CCDC171: variants seen among roughly 807,000 people sequenced by gnomAD.
CCDC171 encodes coiled-coil domain-containing protein 171.
In CCDC171, 177 loss-of-function variants were observed where a neutral mutation model predicts 168.2. The ratio of observed to expected loss-of-function variants is 1.05; its 90% CI spans 0.93 to 1.19. The LOEUF is 1.19. Among genes scored for constraint, CCDC171 ranks in the 50% most tolerant of loss-of-function variants. CCDC171 has a pLI of 0.00. For missense variants in CCDC171, 1,991 were observed against 1,539.0 expected, an observed-to-expected ratio of 1.29 and a Z score of -4.91; for synonymous variants, 687 against 540.8, an observed-to-expected ratio of 1.27 and a Z score of -3.75.
At chr9:15,791,532 C>G (rs543153299) in intron 21 of CCDC171, among the ~76,000 whole-genome samples, 18 of 152,310 alleles carry the variant, frequency 1.2e-4, no homozygotes, top group African/African-American at 4.3e-4. Context: ...ACAATCATGT[C>G]ATCTGCAAAC....
chr9:15,911,607 A>G (rs1210309864), intron 24 of CCDC171, among the ~76,000 whole-genome samples: 1 of 152,128 alleles, frequency 6.6e-6, no homozygotes. Context: ...TGTTTTAGTC[A>G]TGAAGTCTTT....
At chr9:16,033,113 T>A (rs956297796) in intron 6 of CCDC171, among the ~76,000 whole-genome samples, 3 of 152,072 alleles carry the variant, frequency 2.0e-5, no homozygotes, top group Non-Finnish European at 4.4e-5. Flanking sequence ...AACACCAGTG[T>A]CCACTGTACA....
chr9:15,770,679 A>G (rs896793743), intron 18 of CCDC171, among the ~76,000 whole-genome samples: 2 of 152,190 alleles, frequency 1.3e-5, no homozygotes, highest in Non-Finnish European at 2.9e-5. Context: ...CAATTCCCTT[A>G]TACATATGAG....
the CCDC171 span, among the ~76,000 whole-genome samples, chr9:16,094,042 G>A: frequency 6.6e-6 from 1 of 152,188 alleles, no homozygotes; most frequent in African/African-American, 2.4e-5. Context: ...TAGTGGCTAA[G>A]AGCATGGACT....
At chr9:16,018,609 C>T (rs887762969) in intron 3 of CCDC171, among the ~76,000 whole-genome samples, 45 of 152,200 alleles carry the variant, frequency 3.0e-4, no homozygotes, top group Non-Finnish European at 5.0e-4. Flanking sequence ...CCCTCACTCA[C>T]CTACTAGGGC....
intron 6 of CCDC171, among the ~76,000 whole-genome samples, chr9:15,598,304 C>T (rs1286274167): frequency 6.6e-6 from 1 of 151,914 alleles, no homozygotes; most frequent in Non-Finnish European, 1.5e-5. Context: ...AAATTTCCCT[C>T]TATACACTGG....
At chr9:16,102,721 T>C in the CCDC171 span, among the ~76,000 whole-genome samples, 1 of 152,288 alleles carries the variant, frequency 6.6e-6, no homozygotes, top group East Asian at 1.9e-4. Context: ...AAATTCACTT[T>C]CCAACAGCTC....
At chr9:15,910,340 A>G (rs748306756) in intron 24 of CCDC171, among the ~76,000 whole-genome samples, 1 of 152,110 alleles carries the variant, frequency 6.6e-6, no homozygotes, top group African/African-American at 2.4e-5. Context: ...TCCCCAGTGT[A>G]TATTTTTATT....
At chr9:15,811,018 G>A (rs1318660338) in intron 21 of CCDC171, among the ~76,000 whole-genome samples, 1 of 152,246 alleles carries the variant, frequency 6.6e-6, no homozygotes, top group Non-Finnish European at 1.5e-5. Flanking sequence ...CATATCAGCA[G>A]CATAAATATA....
At chr9:15,708,963 T>C (rs2052451405) in intron 11 of CCDC171, among the ~76,000 whole-genome samples, 1 of 152,108 alleles carries the variant, frequency 6.6e-6, no homozygotes, top group Non-Finnish European at 1.5e-5. Flanking sequence ...GTTTTACTCT[T>C]TTTTTTCATT....
intron 3 of CCDC171, among the ~76,000 whole-genome samples, chr9:16,013,794 G>A (rs184965900): frequency 4.7e-4 from 71 of 152,292 alleles, no homozygotes; most frequent in Non-Finnish European, 9.7e-4. Context: ...ACACTATATT[G>A]TAGTCTGTTA....
intron 21 of CCDC171, among the ~76,000 whole-genome samples, chr9:15,788,578 A>G (rs1045250193): frequency 3.3e-5 from 5 of 151,336 alleles, no homozygotes; most frequent in Non-Finnish European, 7.4e-5. Context: ...GTTTTAAATC[A>G]TATGTTTTTG....
chr9:15,879,298 T>G (rs2131309910), intron 24 of CCDC171, among the ~76,000 whole-genome samples: 1 of 152,246 alleles, frequency 6.6e-6, no homozygotes, highest in Middle Eastern at 3.4e-3. Flanking sequence ...TTTTTTCACT[T>G]TTTTTCCTTT....
chr9:15,610,396 C>G (rs571865628), intron 6 of CCDC171, among the ~76,000 whole-genome samples: 1 of 124,682 alleles, frequency 8.0e-6, no homozygotes, highest in Non-Finnish European at 1.6e-5. Flanking sequence ...CACCTGAGAT[C>G]AGGAGTTCAA....
chr9:15,902,449 A>G (rs912808573), intron 24 of CCDC171, among the ~76,000 whole-genome samples: 6 of 152,298 alleles, frequency 3.9e-5, no homozygotes, highest in Admixed American at 2.6e-4. Flanking sequence ...TTAAATTACA[A>G]CTTTTGTTTG....
At chr9:15,616,159 C>T (rs996489472) in intron 6 of CCDC171, among the ~76,000 whole-genome samples, 1 of 152,012 alleles carries the variant, frequency 6.6e-6, no homozygotes, top group Non-Finnish European at 1.5e-5. Context: ...ACCATGTTGG[C>T]CAGGTTGGTC....
At position 15,784,533 on chromosome 9, in the gene CCDC171, G is replaced by C. The variant is rs56134902; in HGVS notation, c.3106G>C (p.Glu1036Gln). The C allele has an allele frequency of 6.3e-5, 101 of 1,612,900 alleles. No homozygotes were observed. The Middle Eastern group carries it at 8.3e-4, about 13-fold the overall frequency. The change falls in exon 21 of 26, where the codon GAA becomes CAA. Residue 1036 changes from glutamate (E) to glutamine (Q), a missense_variant. By Grantham distance (29) the Glu-to-Gln change is conservative. Transcript: ENST00000380701. ...GAAATTGATCACCCATGAGAAGTTT[G>C]AAAGTGCATGTGAAGAACTAAATAA... ...QSKLITHEKF[E>Q]SACEELNNAL...
intron 7 of CCDC171, among the ~76,000 whole-genome samples, chr9:15,654,451 T>C (rs1490847693): frequency 6.6e-6 from 1 of 152,206 alleles, no homozygotes; most frequent in Non-Finnish European, 1.5e-5. Context: ...CTCTGCACTA[T>C]GATAGTCATT....
chr9:15,574,100 T>C (rs1454526425), intron 3 of CCDC171, among the ~76,000 whole-genome samples: 1 of 152,002 alleles, frequency 6.6e-6, no homozygotes, highest in Admixed American at 6.6e-5. Context: ...TCCAGATTTA[T>C]ATTACTAATT....
Sources: allele counts gnomAD v4.1 joint callset (sites outside exome capture counted in the v4.1 genomes callset), GRCh38; gene constraint gnomAD v4.1.1; transcripts MANE v1.5; gene names NCBI Gene and HGNC (gene_info 2026-07-23, HGNC 2026-07-21).